The following SLIT2 variants were observed in gnomAD, a reference collection of about 807,000 sequenced individuals.
The protein encoded by SLIT2 is slit homolog 2 protein.
A neutral mutation model predicts 185.7 loss-of-function variants in SLIT2; 41 were observed. That is an observed-to-expected ratio of 0.22 (90% CI 0.17 to 0.29). The LOEUF (loss-of-function observed/expected upper bound fraction) is 0.29. SLIT2 is among the 10% of genes least tolerant of loss of function. The pLI is 1.00. For synonymous variants in SLIT2, 693 were observed against 680.2 expected (o/e 1.02, Z -0.29); for missense variants, 1,571 against 1,909.0 (o/e 0.82, Z 3.30).
chr4:20,332,594 A>C (rs1474823485), intron 4 of SLIT2, among the ~76,000 whole-genome samples: 1 of 151,998 alleles, frequency 6.6e-6, no homozygotes, highest in Non-Finnish European at 1.5e-5. Context: ...AGGCGGGAGA[A>C]TTGCTTGAAA....
At chr4:20,313,641 C>T (rs1224316469) in intron 4 of SLIT2, among the ~76,000 whole-genome samples, 1 of 152,024 alleles carries the variant, frequency 6.6e-6, no homozygotes, top group Non-Finnish European at 1.5e-5. Flanking sequence ...CTTTTTGGCA[C>T]CAGGGACTGG....
chr4:20,516,312 AT>A (rs1356754796), intron 11 of SLIT2, among the ~76,000 whole-genome samples: 7 of 152,230 alleles, frequency 4.6e-5, no homozygotes, highest in Non-Finnish European at 7.3e-5. Flanking sequence ...CAACAAAAAA[AT>A]CTCTATCAGA....
chr4:20,522,812 G>C (rs1720951317), intron 12 of SLIT2, among the ~76,000 whole-genome samples: 2 of 152,108 alleles, frequency 1.3e-5, no homozygotes, highest in South Asian at 4.2e-4. Context: ...TTCAACAACT[G>C]ATATTTATTG....
At chr4:20,441,696 A>C (rs1047655473) in intron 4 of SLIT2, among the ~76,000 whole-genome samples, 2 of 152,144 alleles carry the variant, frequency 1.3e-5, no homozygotes, top group African/African-American at 4.8e-5. Flanking sequence ...GGAAACAGTC[A>C]CTTCCAAGAT....
chr4:20,442,509 G>GTA (rs1489184134), intron 4 of SLIT2, among the ~76,000 whole-genome samples: 1 of 137,690 alleles, frequency 7.3e-6, no homozygotes, highest in Non-Finnish European at 1.5e-5. Flanking sequence ...GGGCGACAGA[G>GTA]GGAGACTCTG....
chr4:20,538,857 T>G (rs1052472688), intron 18 of SLIT2, among the ~76,000 whole-genome samples: 1 of 152,100 alleles, frequency 6.6e-6, no homozygotes. Flanking sequence ...CTGTTACCGT[T>G]GCCTCTTTTT....
intron 26 of SLIT2, among the ~76,000 whole-genome samples, chr4:20,565,002 C>T (rs1724979086): frequency 6.6e-6 from 1 of 151,968 alleles, no homozygotes; most frequent in African/African-American, 2.4e-5. Flanking sequence ...ACATGAACTA[C>T]TTCAGCCAGG....
chr4:20,550,275 G>C (rs1032442430), intron 24 of SLIT2, among the ~76,000 whole-genome samples: 2 of 151,848 alleles, frequency 1.3e-5, no homozygotes, highest in Admixed American at 6.6e-5. Flanking sequence ...TAATGAGCTT[G>C]ATCTATCATT....
chr4:20,381,594 T>C (rs1724517457), intron 4 of SLIT2, among the ~76,000 whole-genome samples: 1 of 152,202 alleles, frequency 6.6e-6, no homozygotes, highest in African/African-American at 2.4e-5. Flanking sequence ...GTTAGAAATC[T>C]CAATTTTCCA....
intron 4 of SLIT2, among the ~76,000 whole-genome samples, chr4:20,428,660 C>G (rs1361387209): frequency 1.3e-5 from 2 of 152,248 alleles, no homozygotes; most frequent in South Asian, 2.1e-4. Flanking sequence ...TATTTTACAA[C>G]TCTTGGATGA....
chr4:20,297,984 T>C (rs988137418), intron 4 of SLIT2, among the ~76,000 whole-genome samples: 5 of 152,232 alleles, frequency 3.3e-5, no homozygotes, highest in African/African-American at 9.6e-5. Flanking sequence ...GCCTATTTAA[T>C]CCATATGTAT....
intron 4 of SLIT2, among the ~76,000 whole-genome samples, chr4:20,317,899 G>A (rs920365027): frequency 2.0e-4 from 31 of 152,024 alleles, no homozygotes; most frequent in Non-Finnish European, 3.7e-4. Flanking sequence ...TCAAGCAAAG[G>A]AAAAGGAATT....
intron 6 of SLIT2, among the ~76,000 whole-genome samples, chr4:20,481,370 A>G (rs1315679487): frequency 6.6e-6 from 1 of 152,140 alleles, no homozygotes; most frequent in Admixed American, 6.6e-5. Context: ...GACTGACAAA[A>G]TTGGTTAGAG....
At chr4:20,365,811 C>T (rs1279031790) in intron 4 of SLIT2, among the ~76,000 whole-genome samples, 1 of 152,114 alleles carries the variant, frequency 6.6e-6, no homozygotes, top group African/African-American at 2.4e-5. Context: ...TGGAGGCTGT[C>T]CACTTTCTCC....
At chr4:20,375,759 A>C (rs1211047517) in intron 4 of SLIT2, among the ~76,000 whole-genome samples, 2 of 152,050 alleles carry the variant, frequency 1.3e-5, no homozygotes, top group African/African-American at 4.8e-5. Context: ...ATCTAATTTT[A>C]GAGTTTAATT....
rs534140566 is a variant in SLIT2 at position 20,286,118 on chromosome 4, T to A, written c.395+17237T>A. Among the ~76,000 whole-genome samples, 9 of 152,394 alleles carry A rather than the reference T, an allele frequency of 5.9e-5. No individual in the cohort carries two copies. The East Asian group carries it at 1.7e-3, about 29-fold the overall frequency. On this transcript the variant is annotated intron_variant, in intron 4 of 36. Transcript: ENST00000504154. ...CTAGCATTTGAATACAGTGCAGTGT[T>A]CTTTACCATGTATATTAACTGTTCT...
chr4:20,443,145 G>A (rs557226351), intron 4 of SLIT2, among the ~76,000 whole-genome samples: 11 of 152,122 alleles, frequency 7.2e-5, no homozygotes, highest in Non-Finnish European at 1.6e-4. Flanking sequence ...GCCATTATTT[G>A]TGTGTGCATA....
intron 9 of SLIT2, among the ~76,000 whole-genome samples, chr4:20,495,871 CTT>C (rs1029998400): frequency 5.3e-5 from 8 of 151,964 alleles, no homozygotes; most frequent in South Asian, 4.1e-4. Flanking sequence ...TTTTATTACT[CTT>C]TTATTTTTTA....
At chr4:20,582,659 G>A (rs1726686614) in intron 29 of SLIT2, among the ~76,000 whole-genome samples, 1 of 152,128 alleles carries the variant, frequency 6.6e-6, no homozygotes, top group African/African-American at 2.4e-5. Flanking sequence ...TGCAGAGATA[G>A]GAGATTCATT....
Sources: allele counts gnomAD v4.1 joint callset (sites outside exome capture counted in the v4.1 genomes callset), GRCh38; gene constraint gnomAD v4.1.1; transcripts MANE v1.5; gene names NCBI Gene and HGNC (gene_info 2026-07-23, HGNC 2026-07-21).